Variants in MDGA2 observed in about 807,000 individuals in gnomAD.
MDGA2 encodes the protein MAM domain containing glycosylphosphatidylinositol anchor 2.
A neutral mutation model predicts 117.8 loss-of-function variants in MDGA2; 40 were observed. The ratio of observed to expected loss-of-function variants is 0.34; its 90% CI spans 0.26 to 0.44. MDGA2 has a LOEUF of 0.44. MDGA2 is among the 20% of genes least tolerant of loss of function. MDGA2 has a pLI of 1.00. For missense variants in MDGA2, 1,123 were observed against 1,250.6 expected (o/e 0.90, Z 1.54); for synonymous variants, 452 against 439.0 (o/e 1.03, Z -0.37).
At chr14:46,853,483 C>T (rs1031948222) in intron 15 of MDGA2, among the ~76,000 whole-genome samples, 7 of 151,614 alleles carry the variant, frequency 4.6e-5, no homozygotes, top group African/African-American at 9.7e-5. Flanking sequence ...TTTATAAATA[C>T]GAATGATAAG....
chr14:47,366,730 A>C (rs1379405211), intron 1 of MDGA2, among the ~76,000 whole-genome samples: 1 of 151,442 alleles, frequency 6.6e-6, no homozygotes, highest in Non-Finnish European at 1.5e-5. Context: ...TATTATTGTT[A>C]TTATTATTTG....
chr14:47,165,002 C>T (rs1197017326), intron 3 of MDGA2, among the ~76,000 whole-genome samples: 3 of 151,902 alleles, frequency 2.0e-5, no homozygotes, highest in East Asian at 3.9e-4. Context: ...ATTGCAAGGA[C>T]GAAAAACCAA....
At chr14:47,349,235 G>A (rs74487346) in intron 1 of MDGA2, among the ~76,000 whole-genome samples, 25,599 of 152,150 alleles carry the variant, frequency 0.17, 2,567 homozygotes, top group South Asian at 0.33. Flanking sequence ...AAAGTTTACC[G>A]GCACTGGATT....
At chr14:46,906,220 G>A (rs536055545) in intron 10 of MDGA2, among the ~76,000 whole-genome samples, 1 of 151,722 alleles carries the variant, frequency 6.6e-6, no homozygotes, top group South Asian at 2.1e-4. Flanking sequence ...AAATTTATCT[G>A]TACAATGTAT....
At chr14:47,071,834 G>T (rs1890292457) in intron 6 of MDGA2, among the ~76,000 whole-genome samples, 4 of 152,064 alleles carry the variant, frequency 2.6e-5, no homozygotes, top group African/African-American at 7.2e-5. Flanking sequence ...GCATAAAGGA[G>T]ACATGAAACA....
intron 2 of MDGA2, among the ~76,000 whole-genome samples, chr14:47,229,695 ATAAAC>A (rs1277172619): frequency 6.6e-5 from 10 of 151,972 alleles, no homozygotes; most frequent in Non-Finnish European, 1.0e-4. Context: ...GAGAGAAAAA[ATAAAC>A]TATTCATTAA....
intron 1 of MDGA2, among the ~76,000 whole-genome samples, chr14:47,348,343 C>T (rs1890805852): frequency 6.6e-6 from 1 of 151,844 alleles, no homozygotes; most frequent in Non-Finnish European, 1.5e-5. Flanking sequence ...TCCAGAGTAG[C>T]TGAGATTACA....
At chr14:47,580,362 C>T (rs561000938) in intron 1 of MDGA2, among the ~76,000 whole-genome samples, 72 of 152,128 alleles carry the variant, frequency 4.7e-4, no homozygotes, top group African/African-American at 1.4e-3. Flanking sequence ...CTGCTAATCC[C>T]ATTCATGAGG....
intron 8 of MDGA2, among the ~76,000 whole-genome samples, chr14:46,993,309 T>G (rs189864530): frequency 6.6e-6 from 1 of 152,290 alleles, no homozygotes; most frequent in Admixed American, 6.5e-5. Context: ...CCAGAAAGGT[T>G]ATTTACTTCC....
chr14:47,594,524 G>C (rs1896499637), intron 1 of MDGA2, among the ~76,000 whole-genome samples: 2 of 152,170 alleles, frequency 1.3e-5, no homozygotes, highest in African/African-American at 4.8e-5. Flanking sequence ...GTTTCAATTT[G>C]AGCAAAAGAG....
chr14:47,338,170 T>C (rs1890516607), intron 1 of MDGA2, among the ~76,000 whole-genome samples: 1 of 152,060 alleles, frequency 6.6e-6, no homozygotes, highest in Non-Finnish European at 1.5e-5. Context: ...ATTTGTTCTT[T>C]TTAATTAGCA....
At chr14:47,626,119 G>A (rs889621520) in intron 1 of MDGA2, among the ~76,000 whole-genome samples, 29 of 152,196 alleles carry the variant, frequency 1.9e-4, no homozygotes, top group Non-Finnish European at 4.1e-4. Flanking sequence ...CTCTTGGGTG[G>A]TCTTACTGCA....
chr14:47,510,786 A>C (rs1309396674), intron 1 of MDGA2, among the ~76,000 whole-genome samples: 2 of 152,220 alleles, frequency 1.3e-5, no homozygotes, highest in Non-Finnish European at 2.9e-5. Context: ...CATCACAGTT[A>C]ACCTCCCATC....
chr14:47,252,811 A>G (rs1887491570), intron 2 of MDGA2, among the ~76,000 whole-genome samples: 1 of 152,248 alleles, frequency 6.6e-6, no homozygotes, highest in African/African-American at 2.4e-5. Flanking sequence ...GTATTAGTCC[A>G]TTATCACACT....
At chr14:47,418,013 G>A (rs1024832863) in intron 1 of MDGA2, among the ~76,000 whole-genome samples, 13 of 152,118 alleles carry the variant, frequency 8.5e-5, no homozygotes, top group African/African-American at 3.1e-4. Context: ...GCACCTGGAC[G>A]AGTACAAATT....
chr14:47,178,213 G>A (rs972086908), intron 3 of MDGA2, among the ~76,000 whole-genome samples: 1 of 152,096 alleles, frequency 6.6e-6, no homozygotes, highest in Non-Finnish European at 1.5e-5. Flanking sequence ...TAACTGACAT[G>A]GCACTGTCAT....
chr14:47,328,712 C>T (rs1000828564), intron 1 of MDGA2, among the ~76,000 whole-genome samples: 1 of 152,006 alleles, frequency 6.6e-6, no homozygotes, highest in African/African-American at 2.4e-5. Context: ...TAAGAACAAC[C>T]TTCAGAGAAA....
chr14:47,515,833 T>G (rs985824425), intron 1 of MDGA2, among the ~76,000 whole-genome samples: 5 of 152,292 alleles, frequency 3.3e-5, no homozygotes, highest in Admixed American at 3.3e-4. Context: ...CCTGGTCAAA[T>G]TCACTGAGTT....
At chr14:46,937,222 C>T (rs188919759) in intron 9 of MDGA2, among the ~76,000 whole-genome samples, 2 of 150,752 alleles carry the variant, frequency 1.3e-5, no homozygotes, top group Admixed American at 6.6e-5. Flanking sequence ...ACACCCCCCC[C>T]AACACAAATA....
Sources: gnomAD v4.1 joint callset for allele counts (sites outside exome capture counted in the v4.1 genomes callset) on GRCh38, gnomAD v4.1.1 for gene constraint, MANE v1.5 for transcripts, NCBI Gene and HGNC (gene_info 2026-07-23, HGNC 2026-07-21) for gene names.